The following MACROD2 variants were observed in gnomAD, a reference collection of about 807,000 sequenced individuals.
MACROD2 encodes the protein mono-ADP ribosylhydrolase 2, also known as ADP-ribose glycohydrolase MACROD2.
MACROD2 carries 36 observed loss-of-function variants against 70.4 expected under a neutral mutation model. The ratio of observed to expected loss-of-function variants is 0.51; its 90% CI spans 0.39 to 0.68. The LOEUF is 0.68. MACROD2 is among the 30% of genes least tolerant of loss of function. MACROD2 has a pLI of 0.00. For synonymous variants in MACROD2, 172 were observed against 178.8 expected, an observed-to-expected ratio of 0.96 and a Z score of 0.30; for missense variants, 496 against 538.4, an observed-to-expected ratio of 0.92 and a Z score of 0.78.
At chr20:14,865,972 G>A (rs1568843709) in intron 5 of MACROD2, among the ~76,000 whole-genome samples, 1 of 152,072 alleles carries the variant, frequency 6.6e-6, no homozygotes, top group Non-Finnish European at 1.5e-5. Context: ...TTCCACCTCT[G>A]TTAGAGTATG....
chr20:15,745,207 A>G (rs1355687119), intron 8 of MACROD2, among the ~76,000 whole-genome samples: 1 of 152,196 alleles, frequency 6.6e-6, no homozygotes, highest in Admixed American at 6.5e-5. Flanking sequence ...ATTCTTTGAC[A>G]TACATTTCTT....
At chr20:15,150,459 A>G (rs1345305221) in intron 5 of MACROD2, among the ~76,000 whole-genome samples, 1 of 152,002 alleles carries the variant, frequency 6.6e-6, no homozygotes, top group Non-Finnish European at 1.5e-5. Flanking sequence ...CGGTTTTTGG[A>G]CAGGTAAAAT....
chr20:15,375,685 C>T (rs1363702076), intron 6 of MACROD2, among the ~76,000 whole-genome samples: 1 of 152,092 alleles, frequency 6.6e-6, no homozygotes, highest in African/African-American at 2.4e-5. Context: ...GAAAAAAAAT[C>T]TGACTTGCAT....
chr20:15,175,362 G>T (rs1429328442), intron 5 of MACROD2, among the ~76,000 whole-genome samples: 1 of 151,616 alleles, frequency 6.6e-6, no homozygotes, highest in Non-Finnish European at 1.5e-5. Context: ...ACACCAGCAT[G>T]GCACATGTAT....
At chr20:14,785,831 GC>G (rs2072363348) in intron 5 of MACROD2, among the ~76,000 whole-genome samples, 2 of 152,022 alleles carry the variant, frequency 1.3e-5, no homozygotes, top group South Asian at 4.2e-4. Context: ...CTTCAGTGTT[GC>G]CTCATGGTCA....
intron 3 of MACROD2, among the ~76,000 whole-genome samples, chr20:14,372,088 TATC>T (rs2083330250): frequency 6.6e-6 from 1 of 152,180 alleles, no homozygotes. Context: ...TGATTTTGCT[TATC>T]ATCATAATTC....
chr20:15,849,944 C>T (rs577312008), intron 8 of MACROD2, among the ~76,000 whole-genome samples: 15 of 152,166 alleles, frequency 9.9e-5, no homozygotes, highest in African/African-American at 2.9e-4. Flanking sequence ...CTGTCTTCTT[C>T]GTGTAAGGGT....
intron 3 of MACROD2, among the ~76,000 whole-genome samples, chr20:14,404,160 C>T (rs566477484): frequency 3.4e-4 from 52 of 152,076 alleles, no homozygotes; most frequent in Non-Finnish European, 5.6e-4. Context: ...AGACACAACA[C>T]ATGAAAGAGA....
At chr20:16,022,111 C>T (rs992624561) in intron 15 of MACROD2, among the ~76,000 whole-genome samples, 28 of 138,502 alleles carry the variant, frequency 2.0e-4, no homozygotes, top group Non-Finnish European at 3.0e-4. Context: ...AGTGCAGTGG[C>T]GCGATCTTGG....
chr20:15,584,569 G>A (rs1454299427), intron 8 of MACROD2, among the ~76,000 whole-genome samples: 3 of 152,138 alleles, frequency 2.0e-5, no homozygotes, highest in Non-Finnish European at 4.4e-5. Context: ...AAAGTAAAAG[G>A]GATTTAAATT....
intron 6 of MACROD2, among the ~76,000 whole-genome samples, chr20:15,418,774 T>C (rs923918771): frequency 2.0e-5 from 3 of 152,198 alleles, no homozygotes; most frequent in Non-Finnish European, 4.4e-5. Flanking sequence ...GGCCTCTCAC[T>C]GAATCCTTTC....
intron 6 of MACROD2, among the ~76,000 whole-genome samples, chr20:15,263,697 T>G (rs1306827441): frequency 6.6e-6 from 1 of 152,152 alleles, no homozygotes; most frequent in African/African-American, 2.4e-5. Flanking sequence ...GTGTGTCCTC[T>G]TCAATTTTCT....
chr20:15,767,161 A>T (rs1481168798), intron 8 of MACROD2, among the ~76,000 whole-genome samples: 1 of 152,250 alleles, frequency 6.6e-6, no homozygotes, highest in Admixed American at 6.5e-5. Context: ...ACACAAGTAC[A>T]TAATTTCCCT....
chr20:14,890,098 G>A (rs970406024), intron 5 of MACROD2, among the ~76,000 whole-genome samples: 6 of 152,034 alleles, frequency 3.9e-5, no homozygotes, highest in Non-Finnish European at 5.9e-5. Flanking sequence ...GGATGTAATC[G>A]CTTCCAGCTG....
In MACROD2 at chr20:14,326,656, C is replaced by T. The variant is rs758993460; in HGVS notation, c.272-166823C>T. The T allele has an allele frequency of 8.1e-6, 13 of 1,613,600 alleles. No homozygotes were observed. Among genetic ancestry groups the T allele is most frequent in the Admixed American group, 3.3e-5 (2 of 59,942 alleles). On this transcript the variant is annotated intron_variant, in intron 3 of 17. Coordinates refer to ENST00000684519, the MANE Select transcript of MACROD2 (RefSeq NM_001351661.2). The surrounding 1 kb of genome is among the most constrained non-coding windows in gnomAD (Gnocchi z 5.5). ...ATCAAAGATACCCTGAGGTAAATTA[C>T]TTAGGTTATTATTGGACATATCCAG...
At chr20:15,107,257 A>C (rs1308399032) in intron 5 of MACROD2, among the ~76,000 whole-genome samples, 1 of 151,998 alleles carries the variant, frequency 6.6e-6, no homozygotes, top group Non-Finnish European at 1.5e-5. Flanking sequence ...ATTATGTTTA[A>C]ATTTCTGGGC....
intron 5 of MACROD2, among the ~76,000 whole-genome samples, chr20:14,719,467 TAGAA>T (rs1172156927): frequency 3.7e-5 from 1 of 27,334 alleles, no homozygotes; most frequent in Non-Finnish European, 7.3e-5. Context: ...ATAGGCAAGA[TAGAA>T]AGAAAAAAAA....
chr20:15,679,479 C>A (rs1260198637), intron 8 of MACROD2, among the ~76,000 whole-genome samples: 2 of 152,152 alleles, frequency 1.3e-5, no homozygotes, highest in Non-Finnish European at 2.9e-5. Context: ...AAGGTTCATG[C>A]CCTATGCAGT....
intron 8 of MACROD2, among the ~76,000 whole-genome samples, chr20:15,559,226 CAAAAAAAAAAAAAA>C (rs148608040): frequency 2.3e-5 from 1 of 43,246 alleles, no homozygotes; most frequent in African/African-American, 7.8e-5. Flanking sequence ...AACTCCGTCT[CAAAAAAAAAAAAAA>C]AAAAAAAAAA....
Sources: allele counts gnomAD v4.1 joint callset (sites outside exome capture counted in the v4.1 genomes callset), GRCh38; gene constraint gnomAD v4.1.1; non-coding constraint Gnocchi (gnomAD v3.1); transcripts MANE v1.5; gene names NCBI Gene and HGNC (gene_info 2026-07-23, HGNC 2026-07-21).